SLC35F3: variants seen among roughly 807,000 people sequenced by gnomAD.
The protein encoded by SLC35F3 is solute carrier family 35 member F3, also known as putative thiamine transporter SLC35F3.
In SLC35F3, 25 loss-of-function variants were observed where a neutral mutation model predicts 49.9. That is an observed-to-expected ratio of 0.50 (90% CI 0.37 to 0.70). The LOEUF is 0.70. SLC35F3 is among the 30% of genes least tolerant of loss of function. SLC35F3 has a pLI of 0.00. For missense variants in SLC35F3, 525 were observed against 639.8 expected (o/e 0.82, Z 1.94); for synonymous variants, 275 against 265.4 (o/e 1.04, Z -0.35).
chr1:234,323,637 G>A lies in SLC35F3; in HGVS notation c.*394G>A, dbSNP rs1657686005. On this transcript the variant is annotated 3_prime_UTR_variant, in exon 8 of 8. Transcript: ENST00000366618. The surrounding 1 kb of genome is among the most constrained non-coding windows in gnomAD (Gnocchi z 4.5). ...TGTGATTATTTTTCAGCTATGGTAG[G>A]TCATATTTTGTTTTATACCAGAGCT... 1 of 194,128 alleles carries A rather than the reference G, an allele frequency of 5.2e-6. No homozygotes were observed. Among genetic ancestry groups the A allele is most frequent in the African/African-American group, 2.4e-5 (1 of 42,518 alleles). 12.0% of individuals were successfully genotyped at this position (194,128 alleles called of 1,614,324 possible).
intron 2 of SLC35F3, among the ~76,000 whole-genome samples, chr1:234,180,071 C>T (rs916204363): frequency 6.6e-6 from 1 of 152,160 alleles, no homozygotes; most frequent in African/African-American, 2.4e-5. Flanking sequence ...AACCCACTGC[C>T]AACCTCTAGG....
At chr1:234,091,507 G>A (rs1022358524) in intron 2 of SLC35F3, among the ~76,000 whole-genome samples, 1 of 152,156 alleles carries the variant, frequency 6.6e-6, no homozygotes, top group Non-Finnish European at 1.5e-5. Flanking sequence ...TGGAAAGTCT[G>A]TTCATGCATC....
chr1:234,211,505 C>T (rs1458793487), intron 2 of SLC35F3, among the ~76,000 whole-genome samples: 1 of 152,228 alleles, frequency 6.6e-6, no homozygotes, highest in African/African-American at 2.4e-5. Flanking sequence ...GGGAACCCCC[C>T]CCTTACATTG....
intron 2 of SLC35F3, among the ~76,000 whole-genome samples, chr1:234,116,917 G>C (rs1665496112): frequency 6.6e-6 from 1 of 152,102 alleles, no homozygotes; most frequent in Admixed American, 6.5e-5. Flanking sequence ...GGCTTATTTT[G>C]TACTATCTCA....
rs1663408064 is a variant in SLC35F3, at chr1:233,993,902, C to T, written c.283+88144C>T. 2.0e-5 allele frequency among the ~76,000 whole-genome samples: 3 copies of T among 152,306 alleles called. No homozygotes were observed. The South Asian group carries it at 6.2e-4, about 32-fold the overall frequency. On this transcript the variant is annotated intron_variant, in intron 2 of 7. Transcript: ENST00000366618. ...ACAGATGACTCAGCTGCCCAACCTG[C>T]CGCATGCTCAAATGAATCAGAGTGA...
intron 2 of SLC35F3, among the ~76,000 whole-genome samples, chr1:234,000,334 A>T (rs747379359): frequency 2.0e-5 from 3 of 152,194 alleles, no homozygotes; most frequent in African/African-American, 7.2e-5. Context: ...TTTGCTTTCA[A>T]TATAGGTTTG....
At chr1:234,242,786 G>A (rs1558271143) in intron 3 of SLC35F3, among the ~76,000 whole-genome samples, 3 of 152,120 alleles carry the variant, frequency 2.0e-5, no homozygotes, top group Admixed American at 6.5e-5. Flanking sequence ...TACATTTAAT[G>A]AGTTACTCTC....
chr1:234,075,230 C>T (rs181900425), intron 2 of SLC35F3, among the ~76,000 whole-genome samples: 1 of 152,190 alleles, frequency 6.6e-6, no homozygotes, highest in African/African-American at 2.4e-5. Flanking sequence ...AAAAACGGAC[C>T]TTGGGTGAAG....
At chr1:234,064,097 A>T (rs1041696434) in intron 2 of SLC35F3, among the ~76,000 whole-genome samples, 2 of 152,142 alleles carry the variant, frequency 1.3e-5, no homozygotes, top group African/African-American at 4.8e-5. Flanking sequence ...ATATCTAAAC[A>T]TTTGGATTTT....
chr1:234,150,457 C>A (rs1666059770), intron 2 of SLC35F3, among the ~76,000 whole-genome samples: 1 of 152,154 alleles, frequency 6.6e-6, no homozygotes, highest in Non-Finnish European at 1.5e-5. Context: ...TGTACCTTTT[C>A]TAATTCTGTG....
At chr1:233,950,318 G>A (rs533204115) in intron 2 of SLC35F3, among the ~76,000 whole-genome samples, 22 of 144,856 alleles carry the variant, frequency 1.5e-4, no homozygotes, top group Non-Finnish European at 2.4e-4. Context: ...CCCATGAGGC[G>A]GAGCTTGCAG....
intron 2 of SLC35F3, among the ~76,000 whole-genome samples, chr1:234,014,789 C>G (rs532704706): frequency 1.3e-5 from 2 of 151,778 alleles, no homozygotes; most frequent in Non-Finnish European, 2.9e-5. Context: ...AAGATCTGTA[C>G]GTTGAAAACT....
chr1:234,267,579 G>A (rs1327262164), intron 3 of SLC35F3, among the ~76,000 whole-genome samples: 80 of 149,222 alleles, frequency 5.4e-4, no homozygotes, highest in African/African-American at 1.9e-3. Flanking sequence ...CAGTAGGGGC[G>A]GCCGGGCAGA....
At chr1:234,117,259 C>T (rs779251740) in intron 2 of SLC35F3, among the ~76,000 whole-genome samples, 28 of 152,252 alleles carry the variant, frequency 1.8e-4, no homozygotes, top group Middle Eastern at 6.8e-3. Flanking sequence ...CCCCAAACAG[C>T]TCTGGTTTGA....
At chr1:234,260,942 C>T (rs770359694) in intron 3 of SLC35F3, among the ~76,000 whole-genome samples, 3 of 152,164 alleles carry the variant, frequency 2.0e-5, no homozygotes, top group Non-Finnish European at 2.9e-5. Flanking sequence ...AGTTAAACAT[C>T]AAAACAGGTA....
At chr1:234,297,491 C>T (rs938955878) in intron 3 of SLC35F3, among the ~76,000 whole-genome samples, 4 of 152,168 alleles carry the variant, frequency 2.6e-5, no homozygotes, top group African/African-American at 4.8e-5. Context: ...TGGGCAACAT[C>T]GATGGACTTA....
chr1:234,116,304 C>T (rs997143577), intron 2 of SLC35F3, among the ~76,000 whole-genome samples: 1 of 152,112 alleles, frequency 6.6e-6, no homozygotes, highest in African/African-American at 2.4e-5. Context: ...AAAGATGCAC[C>T]TATGGCCCTT....
chr1:234,051,921 C>T (rs562894018), intron 2 of SLC35F3, among the ~76,000 whole-genome samples: 1 of 152,090 alleles, frequency 6.6e-6, no homozygotes, highest in Admixed American at 6.6e-5. Flanking sequence ...TCTTTGGTTC[C>T]GTTTAAGTGA....
chr1:234,203,537 C>T (rs1666929716), intron 2 of SLC35F3, among the ~76,000 whole-genome samples: 1 of 152,090 alleles, frequency 6.6e-6, no homozygotes, highest in African/African-American at 2.4e-5. Flanking sequence ...ATGGTGAAAC[C>T]CCATCTCTAC....
Sources: gnomAD v4.1 joint callset for allele counts (sites outside exome capture counted in the v4.1 genomes callset) on GRCh38, gnomAD v4.1.1 for gene constraint, Gnocchi (gnomAD v3.1) non-coding constraint, MANE v1.5 for transcripts, NCBI Gene and HGNC (gene_info 2026-07-23, HGNC 2026-07-21) for gene names.